The following PPP2R5C variants were observed in gnomAD, a reference collection of about 807,000 sequenced individuals.
PPP2R5C encodes the protein serine/threonine-protein phosphatase 2A 56 kDa regulatory subunit gamma isoform.
A neutral mutation model predicts 68.9 loss-of-function variants in PPP2R5C; 7 were observed. The ratio of observed to expected loss-of-function variants is 0.10; its 90% CI spans 0.06 to 0.19. The LOEUF is 0.19. Ranked by LOEUF, PPP2R5C falls within the 10% of genes least tolerant of loss-of-function variation. The pLI is 1.00. For synonymous variants in PPP2R5C, 210 were observed against 222.2 expected (o/e 0.95, Z 0.49); for missense variants, 348 against 641.3 (o/e 0.54, Z 4.94).
chr14:101,841,126 G>A (rs2041443489), intron 1 of PPP2R5C, among the ~76,000 whole-genome samples: 1 of 152,140 alleles, frequency 6.6e-6, no homozygotes, highest in African/African-American at 2.4e-5. Flanking sequence ...TTCCAGTTGA[G>A]AAAACTGAGG....
chr14:101,780,564 C>T (rs1207092066), intron 2 of PPP2R5C, among the ~76,000 whole-genome samples: 1 of 152,042 alleles, frequency 6.6e-6, no homozygotes, highest in African/African-American at 2.4e-5. Context: ...CCCGGTGCTG[C>T]GGGAGGACAC....
intron 1 of PPP2R5C, chr14:101,824,032 C>T: frequency 7.8e-7 from 1 of 1,289,170 alleles, no homozygotes; most frequent in African/African-American, 1.5e-5. Context: ...CCCACTTGTT[C>T]CGTGGCACAG....
In PPP2R5C at chr14:101,915,654, C is replaced by T. The variant is rs975238451; in HGVS notation, c.1327-2177C>T. Among the ~76,000 whole-genome samples, 1 of 152,208 alleles carries T rather than the reference C, an allele frequency of 6.6e-6. No homozygotes were observed. The highest frequency in any genetic ancestry group is 2.4e-5 in the African/African-American group (1 of 41,452). ...GCAGCCACTTAGGTTTCTGTATCTC[C>T]CACCTGACTGTGAGCCCCCTCGAGG... On this transcript the variant is annotated intron_variant, in intron 12 of 13. Coordinates refer to ENST00000334743, the Ensembl canonical transcript of PPP2R5C. This position sits in a 1 kb window ranked among gnomAD's most constrained non-coding sequence, Gnocchi z 4.2.
intron 5 of PPP2R5C, 128 bp downstream of exon 7, chr14:101,883,690 G>A: frequency 7.8e-7 from 1 of 1,273,892 alleles, no homozygotes; most frequent in Non-Finnish European, 1.1e-6. Flanking sequence ...AAGCCTATTT[G>A]TCATGTGCAG....
At position 101,882,124 on chromosome 14, in the gene PPP2R5C, A is replaced by G. The variant is rs755381343; in HGVS notation, c.295-37A>G. ...AAAATGTTGTCTGTAAATATTTTAA[A>G]TGCCCTGATTGTAATTATAGAATAT... On this transcript the variant is annotated intron_variant, in intron 2 of 13. Transcript: ENST00000334743. The surrounding 1 kb of genome is among the most constrained non-coding windows in gnomAD (Gnocchi z 4.9). The G allele has an allele frequency of 4.8e-6, 7 of 1,468,534 alleles. No individual in the cohort carries two copies. The highest frequency in any genetic ancestry group is 4.2e-5 in the Admixed American group (2 of 47,136). 91.0% of individuals were successfully genotyped at this position (1,468,534 alleles called of 1,614,324 possible). A position where few individuals can be genotyped will look rare whatever the true frequency, so the allele number is the denominator to read the frequency against.
At chr14:101,762,477 G>A (rs961463977) in intron 1 of PPP2R5C, among the ~76,000 whole-genome samples, 3 of 152,086 alleles carry the variant, frequency 2.0e-5, no homozygotes, top group Admixed American at 1.3e-4. Flanking sequence ...GCGGCGGTGA[G>A]GGCTGCGAGC....
chr14:101,802,603 G>C (rs538037480), intron 3 of PPP2R5C, among the ~76,000 whole-genome samples: 30 of 151,906 alleles, frequency 2.0e-4, no homozygotes, highest in African/African-American at 6.8e-4. Flanking sequence ...AAGCTCAGGC[G>C]ACAAAAATAA....
intron 8 of PPP2R5C, among the ~76,000 whole-genome samples, chr14:101,897,248 G>A (rs987433389): frequency 1.3e-5 from 2 of 152,114 alleles, no homozygotes; most frequent in Admixed American, 6.5e-5. Flanking sequence ...CTTAACGACT[G>A]AAGACATGTT....
chr14:101,857,689 T>C (rs1315055422), intron 2 of PPP2R5C, among the ~76,000 whole-genome samples: 3 of 152,260 alleles, frequency 2.0e-5, no homozygotes, highest in African/African-American at 7.2e-5. Flanking sequence ...TGTTTGACGC[T>C]GAAATCCAGT....
chr14:101,764,094 G>A (rs940381631), intron 2 of PPP2R5C, among the ~76,000 whole-genome samples: 6 of 152,024 alleles, frequency 3.9e-5, no homozygotes, highest in African/African-American at 1.2e-4. Flanking sequence ...GCCTCATTGA[G>A]GAACAGCTGG....
chr14:101,903,246 G>A (rs111442853), intron 9 of PPP2R5C, among the ~76,000 whole-genome samples: 170 of 152,276 alleles, frequency 1.1e-3, no homozygotes, highest in African/African-American at 3.6e-3. Flanking sequence ...ATTAGCTATC[G>A]CTATGGGTAA....
At chr14:101,809,665 A>G, upstream of PPP2R5C, 1 of 388,014 alleles carries the variant, frequency 2.6e-6, no homozygotes, top group East Asian at 6.5e-5. Flanking sequence ...CTTTGCCTAA[A>G]AGTTACTGAG....
chr14:101,905,257 G>C (rs550240553), intron 9 of PPP2R5C, among the ~76,000 whole-genome samples: 1 of 152,358 alleles, frequency 6.6e-6, no homozygotes, highest in African/African-American at 2.4e-5. Flanking sequence ...AGGAGGCTCA[G>C]GTAGGAGAAT....
chr14:101,901,869 G>A lies in PPP2R5C; in HGVS notation c.1003G>A (p.Val335Ile), dbSNP rs766670810. The change falls in exon 9 of 14, where the codon GTC (valine) becomes ATC (isoleucine). Residue 335 changes from valine to isoleucine, a missense_variant. Physicochemically the swap from Val to Ile is conservative, Grantham distance 29. This residue lies in a region of PPP2R5C where 101 missense variants were observed against 209.8 expected (regional missense o/e 0.48). Transcript: ENST00000334743. ...CCTCTTCCGGCAGTTGGCCAAATGT[G>A]TCTCCAGCCCACACTTCCAGGTATG... 3 of 1,614,188 alleles carry A rather than the reference G, an allele frequency of 1.9e-6. No homozygotes were observed. The highest frequency in any genetic ancestry group is 3.3e-5 in the Admixed American group (2 of 60,030).
At chr14:101,787,534 C>T (rs992666703) in intron 3 of PPP2R5C, among the ~76,000 whole-genome samples, 1 of 151,940 alleles carries the variant, frequency 6.6e-6, no homozygotes, top group African/African-American at 2.4e-5. Context: ...GAGGCCAAGG[C>T]GGGCGGATCA....
In PPP2R5C at chr14:101,836,407, C is replaced by T. The variant is rs976348937; in HGVS notation, c.95-20279C>T. On this transcript the variant is annotated intron_variant, in intron 1 of 13. Coordinates refer to ENST00000334743, the Ensembl canonical transcript of PPP2R5C. ...CGACCTGCCAACCTTAGCCTAAAATCAGAGCTGCTAGAATCACACACACTG... is the reference window on the plus strand; with the variant it reads ...CGACCTGCCAACCTTAGCCTAAAATTAGAGCTGCTAGAATCACACACACTG... 4.4e-5 allele frequency: 31 copies of T among 701,556 alleles called. No individual in the cohort carries two copies. The African/African-American group carries it at 4.7e-4, about 11-fold the overall frequency. The allele number at this position is 701,556 out of a possible 1,614,324, so 43.5% of individuals were successfully genotyped here.
rs2040330418 is a variant in PPP2R5C, at chr14:101,825,266, T to C, written c.94+15230T>C. On this transcript the variant is annotated intron_variant, in intron 1 of 13. Transcript: ENST00000334743. This position sits in a 1 kb window ranked among gnomAD's most constrained non-coding sequence, Gnocchi z 4.0. ...TGTGTGTGTTGATGAATTTATTACT[T>C]ATTAAAAAAATGTAAAGAAGGCATA... Among the ~76,000 whole-genome samples the C allele has an allele frequency of 1.4e-5, 2 of 148,090 alleles. No homozygotes were observed. Among genetic ancestry groups the C allele is most frequent in the African/African-American group, 2.5e-5 (1 of 39,614 alleles).
At chr14:101,886,302 T>C (rs1471010045) in intron 5 of PPP2R5C, among the ~76,000 whole-genome samples, 2 of 150,242 alleles carry the variant, frequency 1.3e-5, no homozygotes, top group Admixed American at 6.6e-5. Flanking sequence ...AAAAAAGTAG[T>C]AGAAAGTGTT....
intron 1 of PPP2R5C, among the ~76,000 whole-genome samples, chr14:101,842,063 G>A (rs4906153): frequency 0.13 from 20,524 of 152,102 alleles, 1,879 homozygotes; most frequent in African/African-American, 0.26. Context: ...GAAAACAGAA[G>A]TTCAGTGGCA....
Sources: allele counts gnomAD v4.1 joint callset (sites outside exome capture counted in the v4.1 genomes callset), GRCh38; gene constraint gnomAD v4.1.1; regional missense constraint gnomAD v4.1.1; non-coding constraint Gnocchi (gnomAD v3.1); transcripts MANE v1.5; gene names NCBI Gene and HGNC (gene_info 2026-07-23, HGNC 2026-07-21).